The following CCDC88C variants were observed in gnomAD, a reference collection of about 807,000 sequenced individuals.
The protein encoded by CCDC88C is coiled-coil and HOOK domain protein 88C, also known as protein Daple.
CCDC88C carries 131 observed loss-of-function variants against 198.8 expected under a neutral mutation model. The ratio of observed to expected loss-of-function variants is 0.66; its 90% CI spans 0.57 to 0.76. CCDC88C has a LOEUF of 0.76. CCDC88C is among the 30% of genes least tolerant of loss of function. The pLI is 0.00. For synonymous variants in CCDC88C, 1,166 were observed against 1,114.7 expected, an observed-to-expected ratio of 1.05 and a Z score of -0.92; for missense variants, 2,553 against 2,631.6, an observed-to-expected ratio of 0.97 and a Z score of 0.65.
chr14:91,395,182 T>C (rs563570771), intron 3 of CCDC88C, among the ~76,000 whole-genome samples: 31 of 152,254 alleles, frequency 2.0e-4, no homozygotes, highest in African/African-American at 7.2e-4. Flanking sequence ...CTCTTGGTTG[T>C]TTTTCCATTT....
At chr14:91,311,239 A>C (rs1891809636) in intron 15 of CCDC88C, among the ~76,000 whole-genome samples, 1 of 152,222 alleles carries the variant, frequency 6.6e-6, no homozygotes, top group Non-Finnish European at 1.5e-5. Flanking sequence ...ATCGTAGCAC[A>C]GCCTAACTAA....
At chr14:91,319,218 G>A (rs1892243563) in intron 13 of CCDC88C, among the ~76,000 whole-genome samples, 1 of 152,218 alleles carries the variant, frequency 6.6e-6, no homozygotes, top group Admixed American at 6.5e-5. Context: ...CCTGGAATGA[G>A]CAAGACCTGT....
intron 3 of CCDC88C, among the ~76,000 whole-genome samples, chr14:91,384,778 T>C (rs1171107176): frequency 2.0e-5 from 3 of 152,176 alleles, no homozygotes; most frequent in African/African-American, 7.2e-5. Context: ...AGTGTGCTGC[T>C]GGACTCCGGA....
Position 91,313,586 on chromosome 14 carries a change from C to A in CCDC88C, c.2230G>T (p.Val744Leu), listed in dbSNP as rs955631018. The A allele has an allele frequency of 3.1e-6, 5 of 1,612,240 alleles. No individual in the cohort carries two copies. Among genetic ancestry groups the A allele is most frequent in the Non-Finnish European group, 2.5e-6 (3 of 1,179,904 alleles). Residue 744 changes from valine (V) to leucine (L), a missense_variant, in exon 15 of 30, where the codon GTG becomes TTG. Val to Leu is a conservative substitution (Grantham distance 32, BLOSUM62 1). Transcript: ENST00000389857. The surrounding 1 kb of genome is among the most constrained non-coding windows in gnomAD (Gnocchi z 5.2). ...TTGCCCAGCGCCTTGAGCAGATCCA[C>A]GTTCTTCCTCAGCTCCTCCTTCTCA... ...EREKEELRKN[V>L]DLLKALGKKS...
At position 91,352,111 on chromosome 14, in the gene CCDC88C, C is replaced by CA. The variant is rs972826034; in HGVS notation, c.340+7530dup. Among the ~76,000 whole-genome samples the CA allele has an allele frequency of 1.3e-5, 2 of 152,216 alleles. No homozygotes were observed. The highest frequency in any genetic ancestry group is 1.3e-4 in the Admixed American group (2 of 15,284). ...CCTCCCAACCACCACGTGGAAAACT[C>CA]AAACATAAAGACCTTTGACAAATAG... On this transcript the variant is annotated intron_variant, in intron 4 of 29. Coordinates refer to ENST00000389857, the MANE Select transcript of CCDC88C (RefSeq NM_001080414.4). The surrounding 1 kb of genome is among the most constrained non-coding windows in gnomAD (Gnocchi z 4.2).
At chr14:91,324,599 C>G (rs1223224157) in intron 12 of CCDC88C, among the ~76,000 whole-genome samples, 180 bp downstream of exon 12, 1 of 152,264 alleles carries the variant, frequency 6.6e-6, no homozygotes, top group Non-Finnish European at 1.5e-5. Context: ...CTGCCAGACC[C>G]CTCGTGTCTT....
At chr14:91,294,039 C>G in intron 23 of CCDC88C, 134 bp downstream of exon 23, 1 of 894,876 alleles carries the variant, frequency 1.1e-6, no homozygotes, top group Admixed American at 2.2e-5. Context: ...TGCTGGTGAT[C>G]GGTCTGTGCC....
At chr14:91,366,984 C>T (rs1241388655) in intron 3 of CCDC88C, among the ~76,000 whole-genome samples, 1 of 152,216 alleles carries the variant, frequency 6.6e-6, no homozygotes, top group Non-Finnish European at 1.5e-5. Context: ...CAGGTGGAAA[C>T]ACCGTTCTGT....
chr14:91,318,254 CA>C (rs1165763602), intron 13 of CCDC88C, among the ~76,000 whole-genome samples: 2,838 of 144,554 alleles, frequency 0.02, 95 homozygotes, highest in African/African-American at 0.066. Context: ...ACCCCAGTTC[CA>C]AAAAAAAAAA....
chr14:91,295,037 T>C (rs1890942086), intron 22 of CCDC88C, among the ~76,000 whole-genome samples: 1 of 152,150 alleles, frequency 6.6e-6, no homozygotes, highest in Non-Finnish European at 1.5e-5. Flanking sequence ...AATACGCGAC[T>C]ATGAGAAAGG....
intron 3 of CCDC88C, among the ~76,000 whole-genome samples, chr14:91,403,159 G>C (rs1325026768): frequency 2.0e-5 from 3 of 152,192 alleles, no homozygotes; most frequent in African/African-American, 4.8e-5. Context: ...TGCTGCCTCT[G>C]CACCTGGCGA....
rs1457073008 is a variant in CCDC88C, at chr14:91,417,203, C to A, written c.61-365G>T. The A allele has an allele frequency of 1.0e-5, 7 of 703,096 alleles. No homozygotes were observed. The East Asian group carries it at 1.9e-4, about 19-fold the overall frequency. The allele number at this position is 703,096 out of a possible 1,614,324, so 43.6% of individuals were successfully genotyped here. ...CCCATTCGGCGCCCCCCATTCCCCA[C>A]CCGTCACCGCCATCCACCGGCTGGT... On this transcript the variant is annotated intron_variant, in intron 1 of 29. Transcript: ENST00000389857.
chr14:91,315,582 C>G, intron 14 of CCDC88C, 68 bp downstream of exon 14: 1 of 1,565,306 alleles, frequency 6.4e-7, no homozygotes, highest in South Asian at 1.1e-5. Flanking sequence ...CCAGGAATGG[C>G]TGTAATCCCG....
rs575516475 is a variant in CCDC88C at position 91,351,651 on chromosome 14, A to C, written c.340+7991T>G. ...GCCCCCACCCCCCGGCATTAACATAACCAGGCACACATATTTATCAAACGT... is the reference window on the plus strand; with the variant it reads ...GCCCCCACCCCCCGGCATTAACATACCCAGGCACACATATTTATCAAACGT... On this transcript the variant is annotated intron_variant, in intron 4 of 29. Coordinates refer to ENST00000389857, the MANE Select transcript of CCDC88C (RefSeq NM_001080414.4). Among the ~76,000 whole-genome samples the C allele has an allele frequency of 3.3e-5, 5 of 152,160 alleles. No individual in the cohort carries two copies. In the East Asian group the frequency reaches 7.7e-4, roughly 24 times the overall value.
At position 91,272,925 on chromosome 14, in the gene CCDC88C, G is replaced by T; in HGVS notation, c.5787C>A (p.Phe1929Leu). The part of the protein sequence containing the change: ...GSGSNSQLLH[F>L]SPAAAPAART... ...TGGCAGCCGGGGCTGCAGCAGGTGA[G>T]AAGTGCAGGAGCTGGGAGTTGCTGC... The change falls in exon 30 of 30, where the codon TTC becomes TTA. Residue 1929 changes from phenylalanine to leucine, a missense_variant. Phe to Leu is a conservative substitution (Grantham distance 22, BLOSUM62 0). Around this residue, in one of 2 missense-constraint regions of CCDC88C, gnomAD observed 1,293 missense variants for 1,219.6 expected, o/e 1.06. Transcript: ENST00000389857. 6.4e-7 allele frequency: 1 copy of T among 1,570,912 alleles called. No individual in the cohort carries two copies.
At chr14:91,282,236 CTGT>C (rs763380502) in intron 26 of CCDC88C, among the ~76,000 whole-genome samples, 1 of 152,190 alleles carries the variant, frequency 6.6e-6, no homozygotes, top group Non-Finnish European at 1.5e-5. Flanking sequence ...CTCTGTTGCT[CTGT>C]TGTTCAGACT....
In CCDC88C at chr14:91,315,636, G is replaced by A; in HGVS notation, c.1665+14C>T. 1 of 1,613,696 alleles carries A rather than the reference G, an allele frequency of 6.2e-7. No individual in the cohort carries two copies. The highest frequency in any genetic ancestry group is 8.5e-7 in the Non-Finnish European group (1 of 1,179,806). ...AGGGGTTCTAGGAGAGGCGTTAGTG[G>A]TGGAGGCACCTACCTGCCTGGCTTT... On this transcript the variant is annotated intron_variant, in intron 14 of 29. Coordinates refer to ENST00000389857, the MANE Select transcript of CCDC88C (RefSeq NM_001080414.4).
In CCDC88C at chr14:91,281,462, T is replaced by C; in HGVS notation, c.4694A>G (p.Gln1565Arg). The change falls in exon 27 of 30, where the codon CAG (glutamine) becomes CGG (arginine). Residue 1565 changes from glutamine (Q) to arginine (R), a missense_variant. Physicochemically the swap from Gln to Arg is conservative, Grantham distance 43. This residue lies in a region of CCDC88C where 1,293 missense variants were observed against 1,219.6 expected (regional missense o/e 1.06). Transcript: ENST00000389857. ...SLEFEVPNHR[Q>R]YVSRPSSLES... ...ACAGCACCCTCCCTACTCACCGTAC[T>C]GCCTGTGGTTGGGGACCTCAAACTC... 6.2e-7 allele frequency: 1 copy of C among 1,613,938 alleles called. No individual in the cohort carries two copies. The highest frequency in any genetic ancestry group is 8.5e-7 in the Non-Finnish European group (1 of 1,179,828).
Position 91,370,783 on chromosome 14 carries a change from G to T in CCDC88C, c.271-11072C>A, listed in dbSNP as rs547946228. ...TCCGTGCATACAGACCCCAACAGCAGAGGGATGCTGAGAATCTGCATTTTA... is the reference window on the plus strand; with the variant it reads ...TCCGTGCATACAGACCCCAACAGCATAGGGATGCTGAGAATCTGCATTTTA... On this transcript the variant is annotated intron_variant, in intron 3 of 29. Transcript: ENST00000389857. 5.6e-4 allele frequency among the ~76,000 whole-genome samples: 86 copies of T among 152,332 alleles called. 1 individual carries two copies. In the South Asian group the frequency reaches 0.018, roughly 31 times the overall value.
Sources: gnomAD v4.1 joint callset for allele counts (sites outside exome capture counted in the v4.1 genomes callset) on GRCh38, gnomAD v4.1.1 for gene constraint, gnomAD v4.1.1 regional missense constraint, Gnocchi (gnomAD v3.1) non-coding constraint, MANE v1.5 for transcripts, NCBI Gene and HGNC (gene_info 2026-07-23, HGNC 2026-07-21) for gene names.